OSBPL9: variants seen among roughly 807,000 people sequenced by gnomAD.
OSBPL9 encodes the protein oxysterol binding protein like 9, also known as oxysterol-binding protein-related protein 9.
Under a neutral mutation model 106.6 loss-of-function variants are expected in OSBPL9, and 40 were observed. That is an observed-to-expected ratio of 0.38 (90% CI 0.29 to 0.49). The LOEUF is 0.49. Ranked by LOEUF, OSBPL9 falls within the 20% of genes least tolerant of loss-of-function variation. The pLI is 0.97. For synonymous variants in OSBPL9, 269 were observed against 295.4 expected, an observed-to-expected ratio of 0.91 and a Z score of 0.92; for missense variants, 609 against 887.2, an observed-to-expected ratio of 0.69 and a Z score of 3.98.
At chr1:51,567,875 A>C in the OSBPL9 span, 2 of 152,262 alleles carry the variant, frequency 1.3e-5, no homozygotes, top group Admixed American at 1.3e-4. Context: ...ATAATTTCAC[A>C]TAGCTTTAAG....
intron 7 of OSBPL9, chr1:51,749,537 C>A: frequency 2.4e-6 from 1 of 415,128 alleles, no homozygotes; most frequent in Non-Finnish European, 5.0e-6. Context: ...GGCTGGTCTC[C>A]TAGCCTCAAG....
chr1:51,609,677 A>G (rs1358971627), intron 2 of OSBPL9, among the ~76,000 whole-genome samples: 4 of 151,420 alleles, frequency 2.6e-5, no homozygotes, highest in Non-Finnish European at 4.4e-5. Context: ...TTAAAACTCA[A>G]ATGTGTAATT....
the OSBPL9 span, among the ~76,000 whole-genome samples, chr1:51,552,823 C>T: frequency 1.3e-5 from 2 of 151,976 alleles, no homozygotes; most frequent in Non-Finnish European, 2.9e-5. Flanking sequence ...TGGGGTTTCA[C>T]CATCTTGGCC....
chr1:51,664,494 C>G (rs558708487), intron 2 of OSBPL9, among the ~76,000 whole-genome samples: 1 of 152,094 alleles, frequency 6.6e-6, no homozygotes, highest in African/African-American at 2.4e-5. Context: ...AGTTTGAGAC[C>G]AGCTTGGCCA....
At chr1:51,528,913 A>G in the OSBPL9 span, among the ~76,000 whole-genome samples, 3 of 152,252 alleles carry the variant, frequency 2.0e-5, no homozygotes. Context: ...TTACAATAAC[A>G]TCAAAAAGAA....
intron 21 of OSBPL9, 57 bp downstream of exon 21, chr1:51,785,943 T>C: frequency 6.5e-6 from 9 of 1,377,062 alleles, no homozygotes; most frequent in South Asian, 2.4e-5. Flanking sequence ...ACTCTATCCC[T>C]TTTTCTGGCT....
intron 1 of OSBPL9, among the ~76,000 whole-genome samples, chr1:51,624,671 G>GT (rs1476614475): frequency 6.6e-6 from 1 of 152,198 alleles, no homozygotes; most frequent in Admixed American, 6.5e-5. Flanking sequence ...ATAGTGAGTA[G>GT]TATCAGTGGG....
chr1:51,553,574 C>A, the OSBPL9 span, among the ~76,000 whole-genome samples: 2 of 151,976 alleles, frequency 1.3e-5, no homozygotes, highest in South Asian at 4.1e-4. Flanking sequence ...CAGTAGCTCC[C>A]TTCTAGATCA....
At chr1:51,777,523 A>G (rs1675346049) in intron 15 of OSBPL9, among the ~76,000 whole-genome samples, 1 of 152,214 alleles carries the variant, frequency 6.6e-6, no homozygotes, top group African/African-American at 2.4e-5. Context: ...GAATGTTGTT[A>G]GTTCGTCTTC....
At chr1:51,604,258 T>A (rs931300515) in intron 2 of OSBPL9, among the ~76,000 whole-genome samples, 8 of 152,114 alleles carry the variant, frequency 5.3e-5, no homozygotes, top group Non-Finnish European at 8.8e-5. Flanking sequence ...ATTTTACATT[T>A]AAAAAAATTC....
chr1:51,753,574 A>G (rs1453087142), intron 8 of OSBPL9, among the ~76,000 whole-genome samples: 1 of 152,236 alleles, frequency 6.6e-6, no homozygotes, highest in Non-Finnish European at 1.5e-5. Context: ...TTAATAAAAT[A>G]CCAGAATCAA....
chr1:51,720,792 A>ATTTTTTTTTTT (rs34137715), intron 4 of OSBPL9, among the ~76,000 whole-genome samples: 1 of 101,134 alleles, frequency 9.9e-6, no homozygotes, highest in African/African-American at 4.0e-5. Context: ...TCAAATTGGA[A>ATTTTTTTTTTT]TTTTTTTTTT....
the OSBPL9 span, among the ~76,000 whole-genome samples, chr1:51,535,569 A>T: frequency 2.1e-4 from 31 of 150,952 alleles, no homozygotes; most frequent in Middle Eastern, 3.2e-3. Flanking sequence ...ATTTTTTTTT[A>T]AAAACAAAAT....
At chr1:51,730,019 G>A (rs374348119) in intron 4 of OSBPL9, 23 of 1,309,078 alleles carry the variant, frequency 1.8e-5, no homozygotes, top group Middle Eastern at 2.1e-4. Context: ...GACCCCGAGG[G>A]TCTGGGAGAG....
At chr1:51,763,160 C>G (rs1039809290) in intron 11 of OSBPL9, among the ~76,000 whole-genome samples, 4 of 152,020 alleles carry the variant, frequency 2.6e-5, no homozygotes, top group Non-Finnish European at 4.4e-5. Flanking sequence ...TGTGCGCCAC[C>G]ACGCCCCACA....
intron 12 of OSBPL9, among the ~76,000 whole-genome samples, chr1:51,771,499 A>G (rs1347774022): frequency 2.0e-5 from 3 of 152,090 alleles, no homozygotes; most frequent in Admixed American, 6.5e-5. Context: ...GTGTGCGCGC[A>G]CACACACACA....
chr1:51,636,574 G>A (rs1164632097), intron 1 of OSBPL9, among the ~76,000 whole-genome samples: 1 of 152,060 alleles, frequency 6.6e-6, no homozygotes, highest in African/African-American at 2.4e-5. Flanking sequence ...GTGAGCCCAA[G>A]TAATCCTCCT....
intron 1 of OSBPL9, among the ~76,000 whole-genome samples, chr1:51,592,987 T>TGG (rs1278142172): frequency 7.9e-5 from 12 of 152,138 alleles, no homozygotes; most frequent in African/African-American, 2.9e-4. Context: ...TTACAAAGGA[T>TGG]GGCTGAAATC....
At chr1:51,549,739 A>G in the OSBPL9 span, among the ~76,000 whole-genome samples, 1 of 152,238 alleles carries the variant, frequency 6.6e-6, no homozygotes, top group Non-Finnish European at 1.5e-5. Context: ...AGGCTGAGGC[A>G]GGAGGATGGC....
Sources: gnomAD v4.1 joint callset for allele counts (sites outside exome capture counted in the v4.1 genomes callset) on GRCh38, gnomAD v4.1.1 for gene constraint, MANE v1.5 for transcripts, NCBI Gene and HGNC (gene_info 2026-07-23, HGNC 2026-07-21) for gene names.